The following PCDH7 variants were observed in gnomAD, a reference collection of about 807,000 sequenced individuals.
PCDH7 encodes protocadherin-7.
In PCDH7, 17 loss-of-function variants were observed where a neutral mutation model predicts 58.9. The ratio of observed to expected loss-of-function variants is 0.29; its 90% CI spans 0.20 to 0.43. The LOEUF (loss-of-function observed/expected upper bound fraction) is 0.43, where lower values mean the gene tolerates loss of function less well. Ranked by LOEUF, PCDH7 falls within the 20% of genes least tolerant of loss-of-function variation. PCDH7 has a pLI of 1.00. For synonymous variants in PCDH7, 664 were observed against 616.4 expected, an observed-to-expected ratio of 1.08 and a Z score of -1.14; for missense variants, 1,274 against 1,441.0, an observed-to-expected ratio of 0.88 and a Z score of 1.88.
intron 1 of PCDH7, among the ~76,000 whole-genome samples, chr4:30,857,908 T>C (rs1421357218): frequency 6.6e-6 from 1 of 152,188 alleles, no homozygotes; most frequent in Non-Finnish European, 1.5e-5. Context: ...ATGCAGTTCA[T>C]TGGAAAAGTA....
At chr4:31,060,596 C>T (rs1476863710) in intron 3 of PCDH7, among the ~76,000 whole-genome samples, 1 of 151,706 alleles carries the variant, frequency 6.6e-6, no homozygotes, top group Non-Finnish European at 1.5e-5. Flanking sequence ...GTCCATATGC[C>T]TTAAGTTTTA....
chr4:30,961,551 CAAAAACA>C (rs1275742663), intron 3 of PCDH7, among the ~76,000 whole-genome samples: 15 of 150,574 alleles, frequency 1.0e-4, no homozygotes, highest in African/African-American at 2.2e-4. Context: ...GACTCCATCT[CAAAAACA>C]AAAAACAAAA....
At chr4:31,139,958 A>G (rs918330536) in intron 3 of PCDH7, among the ~76,000 whole-genome samples, 10 of 152,188 alleles carry the variant, frequency 6.6e-5, no homozygotes, top group African/African-American at 2.4e-4. Context: ...TTGCATGTAT[A>G]TGATGGCACA....
chr4:31,135,313 G>A (rs1181891619), intron 3 of PCDH7, among the ~76,000 whole-genome samples: 1 of 152,184 alleles, frequency 6.6e-6, no homozygotes, highest in Non-Finnish European at 1.5e-5. Flanking sequence ...AGGTTGATCT[G>A]TGAGGTTGTA....
At chr4:30,958,619 A>G (rs556858190) in intron 3 of PCDH7, among the ~76,000 whole-genome samples, 212 of 152,148 alleles carry the variant, frequency 1.4e-3, no homozygotes, top group African/African-American at 5.0e-3. Context: ...TAAAGTTTTA[A>G]TAATATTTTA....
At chr4:31,058,916 T>C (rs1757468596) in intron 3 of PCDH7, among the ~76,000 whole-genome samples, 1 of 151,986 alleles carries the variant, frequency 6.6e-6, no homozygotes, top group Non-Finnish European at 1.5e-5. Flanking sequence ...AGGCTGACAC[T>C]CACTGCCACA....
At chr4:30,749,042 G>A (rs1718145607) in intron 1 of PCDH7, among the ~76,000 whole-genome samples, 2 of 152,170 alleles carry the variant, frequency 1.3e-5, no homozygotes, top group Admixed American at 1.3e-4. Context: ...AACAGGGGAA[G>A]GGATATGTTA....
chr4:30,979,870 A>G (rs1750401086), intron 3 of PCDH7, among the ~76,000 whole-genome samples: 1 of 152,098 alleles, frequency 6.6e-6, no homozygotes, highest in Non-Finnish European at 1.5e-5. Flanking sequence ...ACTGCTTAAT[A>G]TTACCAACTA....
intron 1 of PCDH7, among the ~76,000 whole-genome samples, chr4:30,870,973 T>G (rs1459358644): frequency 1.3e-5 from 2 of 152,114 alleles, no homozygotes; most frequent in Non-Finnish European, 2.9e-5. Context: ...GTTTGGATGT[T>G]CTCTTGTCAT....
intron 1 of PCDH7, among the ~76,000 whole-genome samples, chr4:30,871,715 G>A (rs1377102553): frequency 6.6e-6 from 1 of 151,892 alleles, no homozygotes; most frequent in African/African-American, 2.4e-5. Context: ...ATACAAAACG[G>A]GTGGCACAAA....
intron 3 of PCDH7, among the ~76,000 whole-genome samples, chr4:30,960,057 A>G (rs1748234297): frequency 6.7e-6 from 1 of 148,698 alleles, no homozygotes; most frequent in Non-Finnish European, 1.5e-5. Context: ...CAGAAATTAT[A>G]TAGATAGTTA....
chr4:30,753,562 A>C (rs527815918), intron 1 of PCDH7, among the ~76,000 whole-genome samples: 2 of 152,334 alleles, frequency 1.3e-5, no homozygotes, highest in African/African-American at 4.8e-5. Context: ...TTCAGGGGCT[A>C]TACACCCTTT....
intron 3 of PCDH7, among the ~76,000 whole-genome samples, chr4:31,137,674 C>G (rs2109343813): frequency 1.3e-5 from 2 of 152,154 alleles, no homozygotes; most frequent in South Asian, 4.2e-4. Flanking sequence ...TAATCATATG[C>G]CAGAGCTTGA....
At chr4:31,142,982 C>T, downstream of PCDH7, 1 of 544,956 alleles carries the variant, frequency 1.8e-6, no homozygotes, top group Non-Finnish European at 2.9e-6. Context: ...GCCACTTCTG[C>T]CTCCAGATCA....
At chr4:31,096,148 C>T (rs1441356189) in intron 3 of PCDH7, among the ~76,000 whole-genome samples, 1 of 152,042 alleles carries the variant, frequency 6.6e-6, no homozygotes, top group African/African-American at 2.4e-5. Context: ...CCCCCTAGGC[C>T]CCAAGTTATT....
chr4:31,128,631 C>G (rs1718604963), intron 3 of PCDH7, among the ~76,000 whole-genome samples: 1 of 152,072 alleles, frequency 6.6e-6, no homozygotes, highest in African/African-American at 2.4e-5. Flanking sequence ...AGCTATTATC[C>G]ATAAGCAAAG....
chr4:31,110,965 G>A (rs1042993412), intron 3 of PCDH7, among the ~76,000 whole-genome samples: 7 of 150,224 alleles, frequency 4.7e-5, no homozygotes, highest in Non-Finnish European at 8.9e-5. Flanking sequence ...TCATGTAAAA[G>A]TCAAGTTTAA....
At chr4:31,086,043 G>A (rs1180651897) in intron 3 of PCDH7, among the ~76,000 whole-genome samples, 1 of 152,138 alleles carries the variant, frequency 6.6e-6, no homozygotes, top group African/African-American at 2.4e-5. Context: ...AAAGGATCAG[G>A]AAACTGAGGG....
At chr4:30,749,635 AAG>A (rs1248591612) in intron 1 of PCDH7, among the ~76,000 whole-genome samples, 1 of 152,164 alleles carries the variant, frequency 6.6e-6, no homozygotes, top group African/African-American at 2.4e-5. Flanking sequence ...GGGGAAGAAA[AAG>A]AGATAATAGA....
Sources: allele counts gnomAD v4.1 joint callset (sites outside exome capture counted in the v4.1 genomes callset), GRCh38; gene constraint gnomAD v4.1.1; transcripts MANE v1.5; gene names NCBI Gene and HGNC (gene_info 2026-07-23, HGNC 2026-07-21).